Variants in WNT6 observed in about 807,000 individuals in gnomAD.
The protein encoded by WNT6 is protein Wnt-6.
A neutral mutation model predicts 33.1 loss-of-function variants in WNT6; 27 were observed. The observed-to-expected ratio is 0.82, with a 90% CI of 0.60 to 1.12. WNT6 has a LOEUF of 1.12. WNT6 is among the 50% of genes most tolerant of loss of function. The probability of loss-of-function intolerance (pLI) is 0.00; values close to 1 mark genes in which losing one functional copy is unlikely to be tolerated. For synonymous variants in WNT6, 249 were observed against 242.8 expected, an observed-to-expected ratio of 1.03 and a Z score of -0.24; for missense variants, 494 against 535.3, an observed-to-expected ratio of 0.92 and a Z score of 0.76.
intron 1 of WNT6, 86 bp from the exon 2 acceptor site, chr2:218,870,941 C>T: frequency 2.3e-6 from 3 of 1,301,116 alleles, no homozygotes; most frequent in South Asian, 1.4e-5. Flanking sequence ...GCTCCCGCTG[C>T]GGGCTGAGTG....
rs1051731621 is a variant in WNT6 at position 218,867,833 on chromosome 2, A to T, written c.81-3194A>T. Among the ~76,000 whole-genome samples, 4 of 152,162 alleles carry T rather than the reference A, an allele frequency of 2.6e-5. No homozygotes were observed. Among genetic ancestry groups the T allele is most frequent in the Non-Finnish European group, 5.9e-5 (4 of 68,034 alleles). On this transcript the variant is annotated intron_variant, in intron 1 of 3. Transcript: ENST00000233948. The surrounding 1 kb of genome is among the most constrained non-coding windows in gnomAD (Gnocchi z 4.9). Reference sequence around the variant, plus strand: ...GTGGGGATGGGGGAGTTATTACTTGATGTGTTGTCAAAAGCCAAAGTTATA... The same window carrying T: ...GTGGGGATGGGGGAGTTATTACTTGTTGTGTTGTCAAAAGCCAAAGTTATA...
intron 1 of WNT6, among the ~76,000 whole-genome samples, chr2:218,869,132 G>A (rs1575224733): frequency 1.3e-5 from 2 of 152,316 alleles, no homozygotes; most frequent in South Asian, 4.1e-4. Context: ...GAAGGAAGAT[G>A]TGGACTGTGG....
intron 1 of WNT6, among the ~76,000 whole-genome samples, chr2:218,868,059 AGGAGG>A (rs1229246948): frequency 1.3e-5 from 2 of 152,154 alleles, no homozygotes; most frequent in Non-Finnish European, 2.9e-5. Flanking sequence ...GAGCAAGGAC[AGGAGG>A]GCAGGGAACA....
intron 1 of WNT6, among the ~76,000 whole-genome samples, chr2:218,868,236 A>C (rs1944368385): frequency 6.6e-6 from 1 of 152,108 alleles, no homozygotes; most frequent in Non-Finnish European, 1.5e-5. Flanking sequence ...ACCTCCTGAA[A>C]GTCCCTGGCC....
At position 218,859,837 on chromosome 2, in the gene WNT6, G is replaced by A. The variant is rs1449625418; in HGVS notation, c.-201G>A. 1.7e-5 allele frequency: 3 copies of A among 176,428 alleles called. No homozygotes were observed. Among genetic ancestry groups the A allele is most frequent in the Non-Finnish European group, 3.4e-5 (3 of 87,842 alleles). 10.9% of individuals were successfully genotyped at this position (176,428 alleles called of 1,614,324 possible). On this transcript the variant is annotated 5_prime_UTR_variant, in exon 1 of 4. Transcript: ENST00000233948. ...CGAGCGAGCTCCGCAGGAGACACAG[G>A]CGCTGGCTGCCCCGTCCGCTCTCCG...
chr2:218,874,050 A>G lies in WNT6; in HGVS notation c.*205A>G, dbSNP rs1358510559. 5.1e-6 allele frequency: 3 copies of G among 584,074 alleles called. No homozygotes were observed. Among genetic ancestry groups the G allele is most frequent in the Non-Finnish European group, 8.4e-6 (3 of 355,482 alleles). The allele number at this position is 584,074 out of a possible 1,614,324, so 36.2% of individuals were successfully genotyped here. ...GCCCAGGGCGCCAGACGGCCCCGAA[A>G]AGGCGCTCGGGGAGCGTTTAAAGGA... On this transcript the variant is annotated 3_prime_UTR_variant, in exon 4 of 4. Transcript: ENST00000233948.
chr2:218,870,945 C>A, intron 1 of WNT6, 82 bp from the exon 2 acceptor site: 1 of 1,331,042 alleles, frequency 7.5e-7, no homozygotes, highest in South Asian at 1.4e-5. Flanking sequence ...CCGCTGCGGG[C>A]TGAGTGGGGC....
At chr2:218,863,925 A>C (rs1944331909) in intron 1 of WNT6, among the ~76,000 whole-genome samples, 1 of 152,158 alleles carries the variant, frequency 6.6e-6, no homozygotes, top group Admixed American at 6.5e-5. Context: ...TATCTTTGTG[A>C]ATTACAGAAT....
chr2:218,873,513 G>T lies in WNT6; in HGVS notation c.766G>T (p.Gly256Cys), dbSNP rs1418728580. 2 of 1,538,358 alleles carry T rather than the reference G, an allele frequency of 1.3e-6. No homozygotes were observed. The highest frequency in any genetic ancestry group is 1.2e-5 in the South Asian group (1 of 84,006). ...VGARLLERFH[G>C]ASRVMGTNDG... is the part of the protein sequence containing the mutation. ...CGCGCGGCTGCTGGAGCGCTTCCACGGCGCCTCACGCGTCATGGGCACCAA... is the reference window on the plus strand; with the variant it reads ...CGCGCGGCTGCTGGAGCGCTTCCACTGCGCCTCACGCGTCATGGGCACCAA... Residue 256 changes from glycine to cysteine, a missense_variant, in exon 4 of 4, where the codon GGC becomes TGC. Coordinates refer to ENST00000233948, the MANE Select transcript of WNT6 (RefSeq NM_006522.4). The surrounding 1 kb of genome is among the most constrained non-coding windows in gnomAD (Gnocchi z 6.1).
chr2:218,874,055 G>T lies in WNT6; in HGVS notation c.*210G>T, dbSNP rs756036251. The T allele has an allele frequency of 1.8e-6, 1 of 565,914 alleles. No homozygotes were observed. The highest frequency in any genetic ancestry group is 2.0e-5 in the African/African-American group (1 of 49,872). 35.1% of individuals were successfully genotyped at this position (565,914 alleles called of 1,614,324 possible). A position where few individuals can be genotyped will look rare whatever the true frequency, so the allele number is the denominator to read the frequency against. On this transcript the variant is annotated 3_prime_UTR_variant, in exon 4 of 4. Coordinates refer to ENST00000233948, the MANE Select transcript of WNT6 (RefSeq NM_006522.4). Reference sequence around the variant, plus strand: ...GGGCGCCAGACGGCCCCGAAAAGGCGCTCGGGGAGCGTTTAAAGGACACTG... The same window carrying T: ...GGGCGCCAGACGGCCCCGAAAAGGCTCTCGGGGAGCGTTTAAAGGACACTG...
intron 1 of WNT6, 49 bp downstream of exon 1, chr2:218,860,166 C>A: frequency 6.8e-7 from 1 of 1,474,250 alleles, no homozygotes; most frequent in Admixed American, 2.2e-5. Context: ...GGGTGGGGAC[C>A]CCGGGACCCA....
rs773072273 is a variant in WNT6, at chr2:218,871,540, C to T, written c.357C>T (p.Ala119=). The change falls in exon 3 of 4, where the codon GCC becomes GCT. Residue 119 remains alanine (A), a synonymous_variant. Coordinates refer to ENST00000233948, the MANE Select transcript of WNT6 (RefSeq NM_006522.4). This position sits in a 1 kb window ranked among gnomAD's most constrained non-coding sequence, Gnocchi z 6.4. Reference sequence around the variant, plus strand: ...TCACTGCGGCCGGCGCCAGCCACGCCGTCACGCAGGCCTGTTCTATGGGCG... The same window carrying T: ...TCACTGCGGCCGGCGCCAGCCACGCTGTCACGCAGGCCTGTTCTATGGGCG... ...FAITAAGASH[A]VTQACSMGEL... 1.3e-5 allele frequency: 21 copies of T among 1,598,522 alleles called. No homozygotes were observed. In the Admixed American group the frequency reaches 1.5e-4, roughly 11 times the overall value.
Position 218,867,736 on chromosome 2 carries a change from A to G in WNT6, c.81-3291A>G, listed in dbSNP as rs1944364611. ...TCTTCTCTGGGCTGATCCTAGGCCA[A>G]TGCTGACCCAAAGGCCTGAAAAGCA... On this transcript the variant is annotated intron_variant, in intron 1 of 3. Coordinates refer to ENST00000233948, the MANE Select transcript of WNT6 (RefSeq NM_006522.4). This position sits in a 1 kb window ranked among gnomAD's most constrained non-coding sequence, Gnocchi z 4.9. Among the ~76,000 whole-genome samples the G allele has an allele frequency of 6.6e-6, 1 of 152,246 alleles. No homozygotes were observed. The highest frequency in any genetic ancestry group is 1.5e-5 in the Non-Finnish European group (1 of 68,044).
chr2:218,860,202 T>A, intron 1 of WNT6, 85 bp downstream of exon 1: 1 of 1,264,074 alleles, frequency 7.9e-7, no homozygotes, highest in Non-Finnish European at 1.0e-6. Context: ...TTCCGCAGCC[T>A]CCCGGCTCTA....
At chr2:218,861,407 T>C (rs1575222300) in intron 1 of WNT6, among the ~76,000 whole-genome samples, 1 of 152,208 alleles carries the variant, frequency 6.6e-6, no homozygotes, top group Admixed American at 6.5e-5. Context: ...AGTCACTTCC[T>C]TTCCCTACCT....
chr2:218,867,256 A>C lies in WNT6; in HGVS notation c.81-3771A>C, dbSNP rs554110737. 1.3e-4 allele frequency among the ~76,000 whole-genome samples: 20 copies of C among 152,326 alleles called. No homozygotes were observed. In the South Asian group the frequency reaches 3.9e-3, roughly 30 times the overall value. On this transcript the variant is annotated intron_variant, in intron 1 of 3. Coordinates refer to ENST00000233948, the MANE Select transcript of WNT6 (RefSeq NM_006522.4). The surrounding 1 kb of genome is among the most constrained non-coding windows in gnomAD (Gnocchi z 4.9). ...GTCTTGCAATAGGGATCCCTCCACC[A>C]GTGGCCAGAGTCAGTCGCCTCCTGT...
rs768388767 is a variant in WNT6 at position 218,871,748 on chromosome 2, G to T, written c.565G>T (p.Ala189Ser). The stretch of plus-strand genomic sequence containing the variant: ...CGAGAAGTCGAGGCTCTTTATGGAC[G>T]CGCGGCACAAGCGGGGACGCGGAGA... ...GDEKSRLFMD[A>S]RHKRGRGDIR... is the part of the protein sequence containing the mutation. Residue 189 changes from alanine (A) to serine (S), a missense_variant, in exon 3 of 4, where the codon GCG becomes TCG. Coordinates refer to ENST00000233948, the MANE Select transcript of WNT6 (RefSeq NM_006522.4). The surrounding 1 kb of genome is among the most constrained non-coding windows in gnomAD (Gnocchi z 6.4). 1 of 1,602,756 alleles carries T rather than the reference G, an allele frequency of 6.2e-7. No individual in the cohort carries two copies. Among genetic ancestry groups the T allele is most frequent in the South Asian group, 1.1e-5 (1 of 90,472 alleles).
intron 1 of WNT6, among the ~76,000 whole-genome samples, chr2:218,861,944 A>C (rs1210161066): frequency 1.3e-5 from 2 of 152,156 alleles, no homozygotes; most frequent in Non-Finnish European, 2.9e-5. Context: ...AGGAGCCCTG[A>C]GGCCTAGGAG....
intron 3 of WNT6, among the ~76,000 whole-genome samples, chr2:218,872,390 G>A (rs1021130306): frequency 6.6e-6 from 1 of 152,190 alleles, no homozygotes; most frequent in Non-Finnish European, 1.5e-5. Context: ...GTCAGGTGGA[G>A]GCCAGGACAG....
Sources: allele counts gnomAD v4.1 joint callset (sites outside exome capture counted in the v4.1 genomes callset), GRCh38; gene constraint gnomAD v4.1.1; non-coding constraint Gnocchi (gnomAD v3.1); transcripts MANE v1.5; gene names NCBI Gene and HGNC (gene_info 2026-07-23, HGNC 2026-07-21).